Variants in ARID5B observed in about 807,000 individuals in gnomAD.
The protein encoded by ARID5B is AT-rich interaction domain 5B.
In ARID5B, 13 loss-of-function variants were observed where a neutral mutation model predicts 97.2. That is an observed-to-expected ratio of 0.13 (90% CI 0.09 to 0.21). The LOEUF (loss-of-function observed/expected upper bound fraction) is 0.21, where lower values mean the gene tolerates loss of function less well. Ranked by LOEUF, ARID5B falls within the 10% of genes least tolerant of loss-of-function variation. The probability of loss-of-function intolerance (pLI) is 1.00; values close to 1 mark genes in which losing one functional copy is unlikely to be tolerated. For synonymous variants in ARID5B, 556 were observed against 570.3 expected (o/e 0.97, Z 0.36); for missense variants, 1,210 against 1,465.3 (o/e 0.83, Z 2.84).
intron 2 of ARID5B, among the ~76,000 whole-genome samples, chr10:61,924,378 T>A (rs1239687394): frequency 6.6e-6 from 1 of 152,222 alleles, no homozygotes; most frequent in Non-Finnish European, 1.5e-5. Context: ...TTTTCCAAAC[T>A]GAATTTAGGG....
At chr10:61,907,888 A>G (rs1322238924) in intron 2 of ARID5B, among the ~76,000 whole-genome samples, 1 of 152,248 alleles carries the variant, frequency 6.6e-6, no homozygotes, top group Non-Finnish European at 1.5e-5. Flanking sequence ...AATATTTATT[A>G]TCTGGCTTTG....
At chr10:62,027,542 T>C (rs1262060804) in intron 4 of ARID5B, among the ~76,000 whole-genome samples, 6 of 151,868 alleles carry the variant, frequency 4.0e-5, no homozygotes, top group African/African-American at 1.5e-4. Context: ...CTCAATCTCC[T>C]GACCTGGTGA....
intron 4 of ARID5B, among the ~76,000 whole-genome samples, chr10:62,017,112 G>A (rs887983354): frequency 6.6e-6 from 1 of 152,150 alleles, no homozygotes; most frequent in African/African-American, 2.4e-5. Flanking sequence ...TATGTGCCTC[G>A]TATGTGTACA....
At chr10:61,954,880 C>T (rs537795218) in intron 3 of ARID5B, among the ~76,000 whole-genome samples, 10 of 152,158 alleles carry the variant, frequency 6.6e-5, no homozygotes, top group Non-Finnish European at 1.5e-4. Flanking sequence ...GTGGTGCATG[C>T]CTGTAATCCC....
intron 4 of ARID5B, chr10:62,049,193 CG>C (rs1437663187): frequency 2.3e-6 from 3 of 1,288,198 alleles, no homozygotes; most frequent in Non-Finnish European, 3.0e-6. Context: ...CATCTCCGTG[CG>C]GGGAGGTGGA....
At chr10:61,936,889 A>G (rs1266952288) in intron 2 of ARID5B, among the ~76,000 whole-genome samples, 1 of 145,658 alleles carries the variant, frequency 6.9e-6, no homozygotes, top group Non-Finnish European at 1.6e-5. Context: ...TTTGAAGTAC[A>G]AGGAGGCTGA....
chr10:62,040,473 C>A (rs1839622679), intron 4 of ARID5B, among the ~76,000 whole-genome samples: 1 of 152,050 alleles, frequency 6.6e-6, no homozygotes, highest in African/African-American at 2.4e-5. Context: ...ATTATTCTAG[C>A]TTCAGATGTT....
chr10:62,006,458 C>CA (rs1299820934), intron 4 of ARID5B, among the ~76,000 whole-genome samples: 1 of 152,030 alleles, frequency 6.6e-6, no homozygotes, highest in African/African-American at 2.4e-5. Context: ...AACAAACAAA[C>CA]AACAACAACA....
chr10:62,048,164 G>C (rs1274194812), intron 4 of ARID5B, among the ~76,000 whole-genome samples: 1 of 152,174 alleles, frequency 6.6e-6, no homozygotes, highest in Non-Finnish European at 1.5e-5. Flanking sequence ...AGGTTGGCGG[G>C]ACCAGTCTAT....
rs1031307599 is a variant in ARID5B at position 61,913,299 on chromosome 10, G to C, written c.276+10886G>C. On this transcript the variant is annotated intron_variant, in intron 2 of 9. Coordinates refer to ENST00000279873, the MANE Select transcript of ARID5B (RefSeq NM_032199.3). ...GGCATGGCTAGCTTAAAGTCCCTTG[G>C]TATTGTTGATAACGATGGTCAAGAA... Among the ~76,000 whole-genome samples the C allele has an allele frequency of 7.9e-5, 12 of 152,306 alleles. No individual in the cohort carries two copies. In the South Asian group the frequency reaches 1.7e-3, roughly 21 times the overall value.
chr10:61,953,582 AACC>A (rs1482031794), intron 3 of ARID5B, among the ~76,000 whole-genome samples: 3 of 152,214 alleles, frequency 2.0e-5, no homozygotes, highest in Admixed American at 1.3e-4. Context: ...CACTGTACTA[AACC>A]TCAGTAGTCA....
In ARID5B at chr10:62,092,674, C is replaced by A; in HGVS notation, c.3211C>A (p.Leu1071Ile). The A allele has an allele frequency of 2.5e-6, 4 of 1,613,998 alleles. No homozygotes were observed. Among genetic ancestry groups the A allele is most frequent in the Non-Finnish European group, 3.4e-6 (4 of 1,179,942 alleles). ...CGGGGGCGGATCAGAAGGCCACAAGCTTCCCCTCTCCTCCCCTATCTTCCC... is the reference window on the plus strand; with the variant it reads ...CGGGGGCGGATCAGAAGGCCACAAGATTCCCCTCTCCTCCCCTATCTTCCC... Reference protein sequence around the residue: ...HSGGGSEGHKLPLSSPIFPGL... With the variant: ...HSGGGSEGHKIPLSSPIFPGL... The change falls in exon 10 of 10, where the codon CTT becomes ATT. Residue 1071 changes from leucine to isoleucine, a missense_variant. Leu to Ile is a conservative substitution (Grantham distance 5). This residue lies in a region of ARID5B where 800 missense variants were observed against 839.1 expected (regional missense o/e 0.95). Coordinates refer to ENST00000279873, the MANE Select transcript of ARID5B (RefSeq NM_032199.3).
At chr10:62,060,751 C>A (rs969311743) in intron 7 of ARID5B, among the ~76,000 whole-genome samples, 1 of 152,080 alleles carries the variant, frequency 6.6e-6, no homozygotes, top group Non-Finnish European at 1.5e-5. Context: ...TAGGAATATA[C>A]GTTTTTATAT....
intron 9 of ARID5B, 49 bp downstream of exon 9, chr10:62,085,949 T>C (rs775212546): frequency 6.4e-7 from 1 of 1,565,086 alleles, no homozygotes; most frequent in South Asian, 1.2e-5. Flanking sequence ...ATGTGCTGCC[T>C]CGAGGTCCTT....
chr10:61,957,058 T>C (rs547848629), intron 3 of ARID5B, among the ~76,000 whole-genome samples: 1 of 152,332 alleles, frequency 6.6e-6, no homozygotes, highest in South Asian at 2.1e-4. Context: ...AGACAGGAAC[T>C]TACTATGTGC....
chr10:61,901,973 GT>G (rs371641779), intron 1 of ARID5B, among the ~76,000 whole-genome samples, 185 bp from the exon 2 acceptor site: 35,948 of 131,516 alleles, frequency 0.27, 5,160 homozygotes, highest in Non-Finnish European at 0.35. Context: ...GGGGCCCTGA[GT>G]TTTTTTTTTT....
intron 8 of ARID5B, among the ~76,000 whole-genome samples, chr10:62,082,898 C>G (rs1840232312): frequency 6.6e-6 from 1 of 152,172 alleles, no homozygotes; most frequent in African/African-American, 2.4e-5. Context: ...AGACCGTGCC[C>G]TGTTCTTCAA....
chr10:61,990,587 A>G (rs1310059243), intron 3 of ARID5B, among the ~76,000 whole-genome samples: 1 of 152,186 alleles, frequency 6.6e-6, no homozygotes, highest in East Asian at 1.9e-4. Flanking sequence ...AAGGTCTAGG[A>G]GGGATACCAA....
chr10:61,918,018 C>A (rs1251124095), intron 2 of ARID5B, among the ~76,000 whole-genome samples: 1 of 152,096 alleles, frequency 6.6e-6, no homozygotes, highest in Admixed American at 6.5e-5. Context: ...TAGGCAGAAG[C>A]AAAGCCACAG....
Sources: gnomAD v4.1 joint callset for allele counts (sites outside exome capture counted in the v4.1 genomes callset) on GRCh38, gnomAD v4.1.1 for gene constraint, gnomAD v4.1.1 regional missense constraint, MANE v1.5 for transcripts, NCBI Gene and HGNC (gene_info 2026-07-23, HGNC 2026-07-21) for gene names.